The following USP28 variants were observed in gnomAD, a reference collection of about 807,000 sequenced individuals.
USP28 encodes ubiquitin carboxyl-terminal hydrolase 28.
Under a neutral mutation model 145.0 loss-of-function variants are expected in USP28, and 113 were observed. The ratio of observed to expected loss-of-function variants is 0.78; its 90% CI spans 0.67 to 0.91. USP28 has a LOEUF of 0.91. Among genes scored for constraint, USP28 ranks in the 40% least tolerant of loss-of-function variants. The pLI, the probability that USP28 is intolerant of heterozygous loss-of-function variation, is 0.00. For synonymous variants in USP28, 447 were observed against 450.9 expected, an observed-to-expected ratio of 0.99 and a Z score of 0.11; for missense variants, 1,201 against 1,289.6, an observed-to-expected ratio of 0.93 and a Z score of 1.05.
chr11:113,830,888 G>A (rs1310790862), exon 9 of USP28: 4 of 1,614,012 alleles, frequency 2.5e-6, no homozygotes, highest in Non-Finnish European at 3.4e-6. Context: ...CCTTCAGTCA[G>A]GAAAGTACCA....
At chr11:113,852,359 C>T in intron 3 of USP28, 142 bp downstream of exon 3, 2 of 1,180,236 alleles carry the variant, frequency 1.7e-6, no homozygotes, top group Admixed American at 4.3e-5. Context: ...ATTGTGCCTG[C>T]CACATAGCAA....
intron 24 of USP28, among the ~76,000 whole-genome samples, chr11:113,799,770 G>C (rs1452636332): frequency 6.6e-6 from 1 of 152,092 alleles, no homozygotes; most frequent in African/African-American, 2.4e-5. Context: ...TAAATCAGGG[G>C]TGTACAGTCT....
chr11:113,850,739 C>T (rs1443655091), intron 3 of USP28, among the ~76,000 whole-genome samples: 1 of 152,186 alleles, frequency 6.6e-6, no homozygotes, highest in Non-Finnish European at 1.5e-5. Flanking sequence ...GCTTAAGCTG[C>T]AGAACCTTTT....
At chr11:113,824,346 T>C (rs989049429) in intron 11 of USP28, among the ~76,000 whole-genome samples, 1 of 151,930 alleles carries the variant, frequency 6.6e-6, no homozygotes, top group Non-Finnish European at 1.5e-5. Flanking sequence ...TGAGATGGAG[T>C]CTCACTCGTC....
At chr11:113,800,847 T>G (rs928609962) in intron 24 of USP28, among the ~76,000 whole-genome samples, 24 of 151,626 alleles carry the variant, frequency 1.6e-4, no homozygotes, top group African/African-American at 5.6e-4. Flanking sequence ...CATGATTTTT[T>G]TTTTTTTTTT....
intron 11 of USP28, among the ~76,000 whole-genome samples, chr11:113,825,912 G>A (rs867090465): frequency 1.3e-5 from 2 of 152,120 alleles, no homozygotes; most frequent in African/African-American, 4.8e-5. Context: ...TGACTGTGAT[G>A]GTAGTTTATT....
chr11:113,866,029 G>A (rs796372471), intron 1 of USP28, among the ~76,000 whole-genome samples: 3 of 152,342 alleles, frequency 2.0e-5, no homozygotes, highest in African/African-American at 7.2e-5. Context: ...CGGGCACGGT[G>A]GCTCATGCCT....
chr11:113,821,048 GGGA>G (rs1230739504), intron 12 of USP28: 1 of 226,428 alleles, frequency 4.4e-6, no homozygotes, highest in South Asian at 7.0e-5. Context: ...CTTCCAGTTG[GGGA>G]GGAGAAGGGG....
chr11:113,856,840 A>G (rs1313274027), intron 1 of USP28, among the ~76,000 whole-genome samples: 3 of 152,052 alleles, frequency 2.0e-5, no homozygotes, highest in African/African-American at 7.2e-5. Flanking sequence ...AGCCTCCCAA[A>G]GTGCTAGGAT....
intron 1 of USP28, among the ~76,000 whole-genome samples, chr11:113,856,805 C>T (rs1212466294): frequency 2.0e-5 from 3 of 152,060 alleles, no homozygotes; most frequent in South Asian, 2.1e-4. Flanking sequence ...CTCCGACTCC[C>T]GGGTTCAAGC....
chr11:113,829,495 G>A, intron 9 of USP28, 150 bp from the exon 10 acceptor site: 1 of 875,852 alleles, frequency 1.1e-6, no homozygotes, highest in South Asian at 1.8e-5. Flanking sequence ...CCTCTAGTGA[G>A]CCAGTCAATC....
chr11:113,834,254 G>A (rs1591323422), exon 6 of USP28: 1 of 1,610,658 alleles, frequency 6.2e-7, no homozygotes, highest in South Asian at 1.1e-5. Context: ...CTTACTGTAT[G>A]ACTTCGACAA....
chr11:113,811,205 A>T (rs1940930884), intron 16 of USP28, among the ~76,000 whole-genome samples: 1 of 152,232 alleles, frequency 6.6e-6, no homozygotes, highest in African/African-American at 2.4e-5. Flanking sequence ...GGAATCTGTT[A>T]TCCAGCTGGA....
chr11:113,860,504 CAT>C (rs754193293), intron 1 of USP28, among the ~76,000 whole-genome samples: 53 of 149,648 alleles, frequency 3.5e-4, no homozygotes, highest in Admixed American at 1.2e-3. Flanking sequence ...TCAAAGAAAA[CAT>C]ATAGTATCAA....
intron 9 of USP28, among the ~76,000 whole-genome samples, chr11:113,830,305 A>G (rs1053322250): frequency 6.6e-6 from 1 of 152,220 alleles, no homozygotes; most frequent in African/African-American, 2.4e-5. Flanking sequence ...GTATTGGGTT[A>G]TGTTTTAAAA....
At position 113,857,397 on chromosome 11, in the gene USP28, T is replaced by A. The variant is rs569054854; in HGVS notation, c.58-3062A>T. 3.9e-5 allele frequency among the ~76,000 whole-genome samples: 6 copies of A among 152,364 alleles called. No individual in the cohort carries two copies. In the East Asian group the frequency reaches 1.2e-3, roughly 29 times the overall value. On this transcript the variant is annotated intron_variant, in intron 1 of 24. Transcript: ENST00000003302. ...ATTTTGCTTCATATAAAATCAAATT[T>A]ATACCCCGCCATTCTGCTTCCATGC... is the stretch of plus-strand genomic sequence containing the variant.
intron 16 of USP28, 63 bp from the exon 17 acceptor site, chr11:113,809,317 GAAGA>G (rs1940577967): frequency 1.3e-6 from 2 of 1,497,122 alleles, no homozygotes; most frequent in African/African-American, 2.8e-5. Flanking sequence ...TTTTAGAAAA[GAAGA>G]AAGCAGGGTA....
chr11:113,831,007 C>A, intron 8 of USP28, 64 bp from the exon 9 acceptor site: 1 of 1,572,932 alleles, frequency 6.4e-7, no homozygotes, highest in Non-Finnish European at 8.7e-7. Flanking sequence ...ACATAAAATC[C>A]AAGCATCATT....
At position 113,824,208 on chromosome 11, in the gene USP28, C is replaced by T. The variant is rs553768045; in HGVS notation, c.1188-508G>A. On this transcript the variant is annotated intron_variant, in intron 11 of 24. Transcript: ENST00000003302. ...TAAATTTAATCAAACATGTGCAAGA[C>T]CTGTACACTAAAAATTACAAAACAC... Among the ~76,000 whole-genome samples, 4 of 152,080 alleles carry T rather than the reference C, an allele frequency of 2.6e-5. No individual in the cohort carries two copies. The South Asian group carries it at 6.2e-4, about 24-fold the overall frequency.
Sources: allele counts gnomAD v4.1 joint callset (sites outside exome capture counted in the v4.1 genomes callset), GRCh38; gene constraint gnomAD v4.1.1; transcripts MANE v1.5; gene names NCBI Gene and HGNC (gene_info 2026-07-23, HGNC 2026-07-21).